MDN1: variants seen among roughly 807,000 people sequenced by gnomAD.
MDN1 encodes midasin AAA ATPase 1.
In MDN1, 266 loss-of-function variants were observed where a neutral mutation model predicts 669.2. That is an observed-to-expected ratio of 0.40 (90% CI 0.36 to 0.44). The LOEUF is 0.44. Among genes scored for constraint, MDN1 ranks in the 20% least tolerant of loss-of-function variants. The pLI is 1.00. For missense variants in MDN1, 5,940 were observed against 6,754.0 expected, an observed-to-expected ratio of 0.88 and a Z score of 4.22; for synonymous variants, 2,385 against 2,457.1, an observed-to-expected ratio of 0.97 and a Z score of 0.87.
In MDN1 at chr6:89,718,805, C is replaced by T. The variant is rs771357467; in HGVS notation, c.6283G>A (p.Ala2095Thr). ...CCCAGCAGCTCAGTAGTATCCATTG[C>T]ACTGTTCATAGCCATGATCTTTAAT... Reference protein sequence around the residue: ...HTLKIMAMNSAMDTTELLGGF... With the variant: ...HTLKIMAMNSTMDTTELLGGF... Residue 2095 changes from alanine to threonine, a missense_variant, in exon 42 of 102, where the codon GCA becomes ACA. Around this residue, in one of 5 missense-constraint regions of MDN1, gnomAD observed 2,292 missense variants for 2,638.3 expected, o/e 0.87. Transcript: ENST00000369393. The T allele has an allele frequency of 1.9e-6, 3 of 1,614,188 alleles. No individual in the cohort carries two copies. Among genetic ancestry groups the T allele is most frequent in the African/African-American group, 1.3e-5 (1 of 75,058 alleles).
chr6:89,690,708 G>A lies in MDN1; in HGVS notation c.10714C>T (p.Arg3572Trp), dbSNP rs199949685. The stretch of plus-strand genomic sequence containing the variant: ...AGGGGGAACTGTTTTCTGAACTCCC[G>A]TTCTTCCTCCTCCTCTTCACTCAGG... Reference protein sequence around the residue: ...TALSEEEEEEREFRKQFPLHE... With the variant: ...TALSEEEEEEWEFRKQFPLHE... The change falls in exon 64 of 102, where the codon CGG (arginine) becomes TGG (tryptophan). Residue 3572 changes from arginine to tryptophan, a missense_variant. Transcript: ENST00000369393. 1.2e-5 allele frequency: 19 copies of A among 1,613,904 alleles called. No individual in the cohort carries two copies. Among genetic ancestry groups the A allele is most frequent in the East Asian group, 1.1e-4 (5 of 44,880 alleles).
rs1294522912 is a variant in MDN1, at chr6:89,751,422, C to A, written c.3227+9G>T. The A allele has an allele frequency of 6.2e-7, 1 of 1,613,950 alleles. No individual in the cohort carries two copies. The highest frequency in any genetic ancestry group is 1.1e-5 in the South Asian group (1 of 91,054). ...CAAGTTCGGGGCAGCGAGAAAAAAG[C>A]CCACACACCCTGCAGAGACAACTCG... is the stretch of plus-strand genomic sequence containing the variant. On this transcript the variant is annotated intron_variant, in intron 23 of 101. Coordinates refer to ENST00000369393, the MANE Select transcript of MDN1 (RefSeq NM_014611.3).
chr6:89,744,125 A>AAG lies in MDN1; in HGVS notation c.4179-412_4179-411insCT, dbSNP rs1816457791. ...TCTTAAAAAAAAAAAAAAAAAAAAA[A>AAG]AAAAAACCACCACCAAGAGAGGGAA... is the stretch of plus-strand genomic sequence containing the variant. On this transcript the variant is annotated intron_variant, in intron 29 of 101. Transcript: ENST00000369393. 2.1e-4 allele frequency among the ~76,000 whole-genome samples: 31 copies of AAG among 146,046 alleles called. 1 individual carries two copies. Among genetic ancestry groups the AAG allele is most frequent in the Admixed American group, 2.1e-3 (31 of 14,718 alleles).
rs751700666 is a variant in MDN1, at chr6:89,780,335, A to C, written c.1644-42T>G. ...GAAAAGAAAAAACAAAGAAAAGACC[A>C]CAGGCCAAAGACATCAAAGGCATCA... is the stretch of plus-strand genomic sequence containing the variant. On this transcript the variant is annotated intron_variant, in intron 10 of 101. Transcript: ENST00000369393. 10 of 1,344,094 alleles carry C rather than the reference A, an allele frequency of 7.4e-6. No homozygotes were observed. The African/African-American group carries it at 1.1e-4, about 14-fold the overall frequency. The allele number at this position is 1,344,094 out of a possible 1,614,324, so 83.3% of individuals were successfully genotyped here. A position where few individuals can be genotyped will look rare whatever the true frequency, so the allele number is the denominator to read the frequency against.
intron 97 of MDN1, 64 bp downstream of exon 97, chr6:89,649,960 G>GCTTTAAAA: frequency 6.5e-7 from 1 of 1,531,494 alleles, no homozygotes; most frequent in Non-Finnish European, 9.0e-7. Flanking sequence ...GCATTTTGGT[G>GCTTTAAAA]GCCCATGGAA....
chr6:89,751,689 A>G, intron 22 of MDN1, 107 bp from the exon 23 acceptor site: 1 of 1,181,058 alleles, frequency 8.5e-7, no homozygotes, highest in East Asian at 2.4e-5. Flanking sequence ...CTTGTTCTGC[A>G]TACTTTCAAC....
intron 53 of MDN1, among the ~76,000 whole-genome samples, chr6:89,705,700 G>C (rs1171733872): frequency 6.6e-6 from 1 of 152,128 alleles, no homozygotes; most frequent in Non-Finnish European, 1.5e-5. Context: ...CACAGTAAGA[G>C]AGCAGATCAA....
intron 75 of MDN1, 122 bp downstream of exon 75, chr6:89,678,477 C>T (rs1811384317): frequency 3.4e-6 from 4 of 1,169,414 alleles, no homozygotes; most frequent in Non-Finnish European, 4.8e-6. Flanking sequence ...GGAAACCTTG[C>T]CTGTACCTTC....
chr6:89,656,356 C>T (rs887787792), intron 91 of MDN1, among the ~76,000 whole-genome samples: 1 of 152,042 alleles, frequency 6.6e-6, no homozygotes, highest in African/African-American at 2.4e-5. Flanking sequence ...AAATTATACC[C>T]TACTTAAAAA....
intron 62 of MDN1, 52 bp downstream of exon 62, chr6:89,694,022 T>A: frequency 7.0e-7 from 1 of 1,425,608 alleles, no homozygotes; most frequent in Non-Finnish European, 9.9e-7. Context: ...CTACATTACA[T>A]CAAAAGGAGA....
chr6:89,813,882 C>A, intron 1 of MDN1, among the ~76,000 whole-genome samples: 1 of 150,412 alleles, frequency 6.6e-6, no homozygotes. Flanking sequence ...AGTTTGAGAC[C>A]AGCCTAGGCA....
chr6:89,808,591 G>GA lies in MDN1; in HGVS notation c.103-5038dup, dbSNP rs1768163670. On this transcript the variant is annotated intron_variant, in intron 1 of 101. Coordinates refer to ENST00000369393, the MANE Select transcript of MDN1 (RefSeq NM_014611.3). Reference sequence around the variant, plus strand: ...CTTTACATTCAGCCAGTACTCACCAGACCCCATATCCCTAGAGCTGTTCCC... The same window carrying GA: ...CTTTACATTCAGCCAGTACTCACCAGAACCCCATATCCCTAGAGCTGTTCCC... Among the ~76,000 whole-genome samples, 4 of 152,224 alleles carry GA rather than the reference G, an allele frequency of 2.6e-5. No individual in the cohort carries two copies. In the South Asian group the frequency reaches 8.3e-4, roughly 32 times the overall value.
intron 52 of MDN1, 32 bp downstream of exon 52, chr6:89,707,329 A>C (rs1339333970): frequency 4.1e-6 from 6 of 1,455,044 alleles, no homozygotes; most frequent in Non-Finnish European, 5.8e-6. Context: ...TCAGATGCTT[A>C]ATTAGAGAAC....
Position 89,793,835 on chromosome 6 carries a change from G to A in MDN1, c.782C>T (p.Ser261Phe). 2 of 1,614,212 alleles carry A rather than the reference G, an allele frequency of 1.2e-6. No homozygotes were observed. Among genetic ancestry groups the A allele is most frequent in the Non-Finnish European group, 1.7e-6 (2 of 1,180,042 alleles). Residue 261 changes from serine (S) to phenylalanine (F), a missense_variant, in exon 5 of 102, where the codon TCT becomes TTT. By Grantham distance (155) the Ser-to-Phe change is radical. Transcript: ENST00000369393. ...AGCTGTCACCCTAGGGGAGAGGTCA[G>A]ACGAAACAAGATGTCCCTGTAAGTA... ...LQYLQGHLVS[S>F]DLSPRVTAVC...
intron 96 of MDN1, 150 bp from the exon 97 acceptor site, chr6:89,650,348 A>G (rs894641037): frequency 6.6e-6 from 5 of 759,912 alleles, no homozygotes; most frequent in Non-Finnish European, 1.0e-5. Flanking sequence ...TTGACGACTA[A>G]GGATCTTCTT....
At chr6:89,697,814 T>C (rs1358021178) in intron 59 of MDN1, among the ~76,000 whole-genome samples, 1 of 151,982 alleles carries the variant, frequency 6.6e-6, no homozygotes, top group Non-Finnish European at 1.5e-5. Flanking sequence ...ACTCCTGACC[T>C]CAAATGATCC....
intron 74 of MDN1, among the ~76,000 whole-genome samples, chr6:89,679,888 G>A (rs1811477879): frequency 1.3e-5 from 2 of 152,198 alleles, no homozygotes. Flanking sequence ...AGATGCAAAT[G>A]GATCTGTATT....
intron 37 of MDN1, 130 bp from the exon 38 acceptor site, chr6:89,725,526 A>C: frequency 1.2e-6 from 1 of 804,680 alleles, no homozygotes; most frequent in Non-Finnish European, 2.0e-6. Context: ...AATATTGATA[A>C]CCTTCTGTAT....
At position 89,695,347 on chromosome 6, in the gene MDN1, C is replaced by T. The variant is rs954866159; in HGVS notation, c.9771+258G>A. Among the ~76,000 whole-genome samples, 4 of 152,134 alleles carry T rather than the reference C, an allele frequency of 2.6e-5. No individual in the cohort carries two copies. The highest frequency in any genetic ancestry group is 2.6e-4 in the Admixed American group (4 of 15,276). ...ACAATGGCTCAGGTTTTCTACCTGCCCTCTGCCCATTGCACCTATTGGCAG... is the reference window on the plus strand; with the variant it reads ...ACAATGGCTCAGGTTTTCTACCTGCTCTCTGCCCATTGCACCTATTGGCAG... On this transcript the variant is annotated intron_variant, in intron 61 of 101. Coordinates refer to ENST00000369393, the MANE Select transcript of MDN1 (RefSeq NM_014611.3). The surrounding 1 kb of genome is among the most constrained non-coding windows in gnomAD (Gnocchi z 4.1).
Sources: gnomAD v4.1 joint callset for allele counts (sites outside exome capture counted in the v4.1 genomes callset) on GRCh38, gnomAD v4.1.1 for gene constraint, gnomAD v4.1.1 regional missense constraint, Gnocchi (gnomAD v3.1) non-coding constraint, MANE v1.5 for transcripts, NCBI Gene and HGNC (gene_info 2026-07-23, HGNC 2026-07-21) for gene names.